Variants in RBMS1 observed in about 807,000 individuals in gnomAD.
RBMS1 encodes the protein RNA binding motif single stranded interacting protein 1.
In RBMS1, 17 loss-of-function variants were observed where a neutral mutation model predicts 62.3. That is an observed-to-expected ratio of 0.27 (90% CI 0.19 to 0.41). The LOEUF (loss-of-function observed/expected upper bound fraction) is 0.41, where lower values mean the gene tolerates loss of function less well. RBMS1 is among the 10% of genes least tolerant of loss of function. The pLI, the probability that RBMS1 is intolerant of heterozygous loss-of-function variation, is 1.00. For synonymous variants in RBMS1, 172 were observed against 170.0 expected, an observed-to-expected ratio of 1.01 and a Z score of -0.09; for missense variants, 334 against 504.5, an observed-to-expected ratio of 0.66 and a Z score of 3.24.
intron 2 of RBMS1, among the ~76,000 whole-genome samples, chr2:160,344,673 G>A (rs2105998405): frequency 6.6e-6 from 1 of 152,230 alleles, no homozygotes; most frequent in African/African-American, 2.4e-5. Context: ...TATTTACTGA[G>A]TGCCTACTAA....
chr2:160,445,788 A>C (rs1372822036), intron 1 of RBMS1, among the ~76,000 whole-genome samples: 2 of 152,208 alleles, frequency 1.3e-5, no homozygotes, highest in Non-Finnish European at 1.5e-5. Flanking sequence ...GTTTCAGAGG[A>C]ACAACTAAGC....
intron 1 of RBMS1, among the ~76,000 whole-genome samples, chr2:160,424,087 C>G (rs1696544428): frequency 6.6e-6 from 1 of 151,012 alleles, no homozygotes; most frequent in African/African-American, 2.4e-5. Flanking sequence ...GGTACAATCT[C>G]AGCTCACTGT....
chr2:160,351,988 T>A (rs1049883727), intron 2 of RBMS1, among the ~76,000 whole-genome samples: 1 of 151,976 alleles, frequency 6.6e-6, no homozygotes, highest in Non-Finnish European at 1.5e-5. Context: ...TCAAGGTAAG[T>A]GAAGAAAAAA....
rs375659775 is a variant in RBMS1, at chr2:160,345,426, T to A, written c.251+21790A>T. Among the ~76,000 whole-genome samples the A allele has an allele frequency of 5.3e-5, 8 of 150,114 alleles. 1 individual carries two copies. The highest frequency in any genetic ancestry group is 4.9e-4 in the Admixed American group (7 of 14,430). On this transcript the variant is annotated intron_variant, in intron 2 of 13. Transcript: ENST00000348849. ...GGCACCTGAAACCGCCCACACCTGA[T>A]GAAAGTGAGGAGACCTGAAGTAGAG... is the stretch of plus-strand genomic sequence containing the variant.
At chr2:160,311,214 A>ATCTC (rs1382938671) in intron 4 of RBMS1, among the ~76,000 whole-genome samples, 1,286 of 60,224 alleles carry the variant, frequency 0.021, 33 homozygotes, top group African/African-American at 0.071. Context: ...AAAAAAATCT[A>ATCTC]TCTATCTATC....
intron 2 of RBMS1, among the ~76,000 whole-genome samples, chr2:160,334,550 G>T (rs542296489): frequency 1.7e-3 from 253 of 152,284 alleles, no homozygotes; most frequent in African/African-American, 5.9e-3. Flanking sequence ...TTATTTGGTA[G>T]GTCCTCAGTA....
At chr2:160,349,296 C>T (rs1193071404) in intron 2 of RBMS1, among the ~76,000 whole-genome samples, 1 of 152,102 alleles carries the variant, frequency 6.6e-6, no homozygotes, top group African/African-American at 2.4e-5. Flanking sequence ...CTAAAAGTAT[C>T]TGATTATTTA....
intron 1 of RBMS1, among the ~76,000 whole-genome samples, chr2:160,399,896 A>G (rs1695349312): frequency 6.6e-6 from 1 of 152,246 alleles, no homozygotes; most frequent in Non-Finnish European, 1.5e-5. Flanking sequence ...ATGAGGCTAC[A>G]TATTTGCTCC....
chr2:160,305,667 C>T (rs1017958397), intron 4 of RBMS1, among the ~76,000 whole-genome samples: 7 of 152,144 alleles, frequency 4.6e-5, no homozygotes, highest in Non-Finnish European at 8.8e-5. Flanking sequence ...AAAGCTACAT[C>T]TTGAAAAATA....
intron 1 of RBMS1, chr2:160,493,062 TC>T (rs1574128831): frequency 3.9e-6 from 2 of 506,714 alleles, no homozygotes; most frequent in East Asian, 3.5e-5. Flanking sequence ...GTCTAGTCTC[TC>T]CCCCCGCGGC....
At chr2:160,285,380 G>A (rs1688327385) in intron 7 of RBMS1, among the ~76,000 whole-genome samples, 2 of 152,076 alleles carry the variant, frequency 1.3e-5, no homozygotes, top group Admixed American at 6.5e-5. Context: ...GACCTGCACT[G>A]TCCCATGTGA....
intron 1 of RBMS1, among the ~76,000 whole-genome samples, chr2:160,485,011 C>G (rs1685540168): frequency 6.6e-6 from 1 of 151,798 alleles, no homozygotes; most frequent in Admixed American, 6.6e-5. Context: ...TGATTCAGGG[C>G]TGAAGGAGAG....
At chr2:160,369,976 G>A (rs1693632056) in intron 1 of RBMS1, among the ~76,000 whole-genome samples, 1 of 152,192 alleles carries the variant, frequency 6.6e-6, no homozygotes, top group South Asian at 2.1e-4. Flanking sequence ...TACAGAGCCA[G>A]TTTAATATAA....
At chr2:160,463,797 AC>A (rs1180289245) in intron 1 of RBMS1, among the ~76,000 whole-genome samples, 5 of 152,186 alleles carry the variant, frequency 3.3e-5, no homozygotes. Flanking sequence ...AAAAAACAAA[AC>A]AGCAGCTTTG....
At chr2:160,317,621 C>T (rs1690296771) in intron 3 of RBMS1, among the ~76,000 whole-genome samples, 1 of 152,118 alleles carries the variant, frequency 6.6e-6, no homozygotes, top group Admixed American at 6.5e-5. Context: ...GCATGACCTC[C>T]CCTCCCTATT....
intron 2 of RBMS1, among the ~76,000 whole-genome samples, chr2:160,350,040 A>G (rs991506387): frequency 1.3e-5 from 2 of 152,056 alleles, no homozygotes; most frequent in South Asian, 4.1e-4. Flanking sequence ...GGCCTGGTGC[A>G]CTTAAGAAAC....
At chr2:160,333,681 A>G (rs1040504256) in intron 2 of RBMS1, among the ~76,000 whole-genome samples, 2 of 152,210 alleles carry the variant, frequency 1.3e-5, no homozygotes, top group African/African-American at 4.8e-5. Flanking sequence ...TGGAGCCAAT[A>G]AGACAGGAAC....
chr2:160,367,584 G>C (rs1430483305), intron 1 of RBMS1, 193 bp from the exon 2 acceptor site: 2 of 1,043,078 alleles, frequency 1.9e-6, no homozygotes, highest in Non-Finnish European at 2.6e-6. Flanking sequence ...TTGATAATAG[G>C]GTTTACTAAG....
At chr2:160,370,611 C>A (rs1353974260) in intron 1 of RBMS1, among the ~76,000 whole-genome samples, 2 of 152,194 alleles carry the variant, frequency 1.3e-5, no homozygotes, top group Non-Finnish European at 2.9e-5. Context: ...CAGGGCCACA[C>A]ATTTAGAAGG....
Sources: gnomAD v4.1 joint callset for allele counts (sites outside exome capture counted in the v4.1 genomes callset) on GRCh38, gnomAD v4.1.1 for gene constraint, MANE v1.5 for transcripts, NCBI Gene and HGNC (gene_info 2026-07-23, HGNC 2026-07-21) for gene names.